TCERG1L: variants seen among roughly 807,000 people sequenced by gnomAD.
The protein encoded by TCERG1L is transcription elongation regulator 1 like.
A neutral mutation model predicts 56.3 loss-of-function variants in TCERG1L; 37 were observed. The ratio of observed to expected loss-of-function variants is 0.66; its 90% CI spans 0.51 to 0.87. The LOEUF (loss-of-function observed/expected upper bound fraction) is 0.87, where lower values mean the gene tolerates loss of function less well. TCERG1L is among the 40% of genes least tolerant of loss of function. The pLI is 0.00. For missense variants in TCERG1L, 799 were observed against 774.2 expected, an observed-to-expected ratio of 1.03 and a Z score of -0.38; for synonymous variants, 324 against 326.3, an observed-to-expected ratio of 0.99 and a Z score of 0.08.
Position 131,308,279 on chromosome 10 carries a change from GA to G in TCERG1L, c.601del (p.Ser201LeufsTer17). The part of the protein sequence containing the change: ...PRLLANQVAV[S>X]LSRPAPASRP... ...GGAGGCAGGAGCCGGCCTGGACAGA[GA>G]CACAGCTACTTGATTTGCCAGCAAA... On this transcript the variant is annotated frameshift_variant, in exon 3 of 12. Coordinates refer to ENST00000368642, the MANE Select transcript of TCERG1L (RefSeq NM_174937.4). LOFTEE classifies it high-confidence loss of function. The G allele has an allele frequency of 6.2e-7, 1 of 1,614,004 alleles. No individual in the cohort carries two copies. The highest frequency in any genetic ancestry group is 8.5e-7 in the Non-Finnish European group (1 of 1,179,892).
intron 9 of TCERG1L, among the ~76,000 whole-genome samples, chr10:131,107,956 T>TACACACACAC (rs59364659): frequency 0.014 from 2,039 of 146,820 alleles, 23 homozygotes; most frequent in Non-Finnish European, 0.017. Flanking sequence ...CATGTGTGCC[T>TACACACACAC]ACACACACAC....
intron 8 of TCERG1L, among the ~76,000 whole-genome samples, chr10:131,126,555 C>T (rs552152238): frequency 3.6e-4 from 54 of 151,726 alleles, no homozygotes; most frequent in Middle Eastern, 6.8e-3. Context: ...TGCTGCTAGG[C>T]GGCAGCTCTG....
chr10:131,146,236 T>G (rs946257856), intron 7 of TCERG1L, among the ~76,000 whole-genome samples: 1 of 152,126 alleles, frequency 6.6e-6, no homozygotes, highest in Non-Finnish European at 1.5e-5. Flanking sequence ...GGATGGAAGC[T>G]TTGAGGGGCG....
chr10:131,162,957 G>C (rs1733573935), intron 6 of TCERG1L, 165 bp downstream of exon 6: 1 of 538,766 alleles, frequency 1.9e-6, no homozygotes, highest in African/African-American at 1.9e-5. Flanking sequence ...TCTTTCTGCA[G>C]AATGTGACCA....
At position 131,163,121 on chromosome 10, in the gene TCERG1L, C is replaced by T. The variant is rs774458961; in HGVS notation, c.1034+1G>A. 1 of 1,569,610 alleles carries T rather than the reference C, an allele frequency of 6.4e-7. No individual in the cohort carries two copies. Among genetic ancestry groups the T allele is most frequent in the Non-Finnish European group, 8.6e-7 (1 of 1,158,296 alleles). ...GGCTCTCAGGCTTTGGGGTGTCTTA[C>T]CAGGGGGATCCGGGCACCGGGGTGG... On this transcript the variant is annotated splice_donor_variant, in intron 6 of 11. Coordinates refer to ENST00000368642, the MANE Select transcript of TCERG1L (RefSeq NM_174937.4). LOFTEE classifies it high-confidence loss of function.
At chr10:131,116,964 A>G in intron 8 of TCERG1L, 30 bp from the exon 9 acceptor site, 1 of 1,594,724 alleles carries the variant, frequency 6.3e-7, no homozygotes, top group African/African-American at 1.3e-5. Context: ...AGAGTTAGAC[A>G]CACTCGTGGG....
At chr10:131,212,149 G>A (rs1845626860) in intron 4 of TCERG1L, among the ~76,000 whole-genome samples, 1 of 152,208 alleles carries the variant, frequency 6.6e-6, no homozygotes, top group African/African-American at 2.4e-5. Flanking sequence ...CAAAAGTGCA[G>A]GCTAAGGTTG....
intron 4 of TCERG1L, among the ~76,000 whole-genome samples, chr10:131,240,933 C>A (rs931238988): frequency 1.3e-5 from 2 of 152,230 alleles, no homozygotes; most frequent in African/African-American, 4.8e-5. Flanking sequence ...TTGGCTCAAT[C>A]CCAAGAGACT....
intron 4 of TCERG1L, among the ~76,000 whole-genome samples, chr10:131,212,077 C>T (rs1006611684): frequency 4.6e-5 from 7 of 152,190 alleles, no homozygotes; most frequent in Admixed American, 2.0e-4. Context: ...TTATCCTCAT[C>T]TCCCACATGT....
At chr10:131,219,023 C>G (rs1052851229) in intron 4 of TCERG1L, among the ~76,000 whole-genome samples, 2 of 152,168 alleles carry the variant, frequency 1.3e-5, no homozygotes, top group African/African-American at 4.8e-5. Flanking sequence ...GTCACCAGCT[C>G]CTTGCCCAGC....
chr10:131,227,480 C>CTCCCCGCT (rs1419752924), intron 4 of TCERG1L, among the ~76,000 whole-genome samples: 3 of 152,322 alleles, frequency 2.0e-5, no homozygotes, highest in African/African-American at 7.2e-5. Context: ...GAGCCACCGC[C>CTCCCCGCT]TCCCCGCTTC....
intron 4 of TCERG1L, among the ~76,000 whole-genome samples, chr10:131,198,544 A>G (rs1267733841): frequency 6.6e-6 from 1 of 152,236 alleles, no homozygotes; most frequent in Non-Finnish European, 1.5e-5. Context: ...GGAGGCTGGG[A>G]AGCCAGGGCA....
intron 4 of TCERG1L, among the ~76,000 whole-genome samples, chr10:131,203,324 A>AG (rs1264780323): frequency 6.6e-5 from 10 of 151,850 alleles, no homozygotes; most frequent in African/African-American, 1.2e-4. Flanking sequence ...CAAAAAAAAA[A>AG]AGACTTCCAG....
At position 131,181,147 on chromosome 10, in the gene TCERG1L, C is replaced by T. The variant is rs555019740; in HGVS notation, c.857-14262G>A. Among the ~76,000 whole-genome samples, 398 of 152,374 alleles carry T rather than the reference C, an allele frequency of 2.6e-3. 1 individual carries two copies. Among genetic ancestry groups the T allele is most frequent in the Middle Eastern group, 0.014 (4 of 294 alleles). ...GATCTACGTGGTTGAATCACAGCCT[C>T]CAGTTCTCCAGCCAGAGCTGGGACC... On this transcript the variant is annotated intron_variant, in intron 4 of 11. Coordinates refer to ENST00000368642, the MANE Select transcript of TCERG1L (RefSeq NM_174937.4).
At chr10:131,262,163 C>G (rs945970732) in intron 3 of TCERG1L, among the ~76,000 whole-genome samples, 1 of 152,140 alleles carries the variant, frequency 6.6e-6, no homozygotes, top group African/African-American at 2.4e-5. Context: ...CAGGAGGGAG[C>G]GGAGCCTGCG....
chr10:131,309,294 C>G lies in TCERG1L; in HGVS notation c.348G>C (p.Leu116=), dbSNP rs200103264. 1.9e-6 allele frequency: 3 copies of G among 1,592,264 alleles called. No individual in the cohort carries two copies. The African/African-American group carries it at 4.1e-5, about 22-fold the overall frequency. The change falls in exon 2 of 12, where the codon CTG becomes CTC. Residue 116 remains leucine, a synonymous_variant. Coordinates refer to ENST00000368642, the MANE Select transcript of TCERG1L (RefSeq NM_174937.4). ...HPFPALHGQW[L]FGGHSPSLGL... is the part of the protein sequence containing the mutation. Reference sequence around the variant, plus strand: ...CTAGGGACGGAGAATGGCCACCAAACAGCCACTGCAAGCCAAGCAAGAAAA... The same window carrying G: ...CTAGGGACGGAGAATGGCCACCAAAGAGCCACTGCAAGCCAAGCAAGAAAA...
rs144047839 is a variant in TCERG1L, at chr10:131,227,803, T to TTCTC, written c.856+32455_856+32456insGAGA. 9.3e-3 allele frequency among the ~76,000 whole-genome samples: 1,411 copies of TTCTC among 152,096 alleles called. 30 individuals carry two copies. Among genetic ancestry groups the TTCTC allele is most frequent in the East Asian group, 0.076 (391 of 5,136 alleles). ...CAATATTGATCACTTATGAATAGTG[T>TTCTC]TCTTTCTCATTTTTTAAACAGGAAA... On this transcript the variant is annotated intron_variant, in intron 4 of 11. Coordinates refer to ENST00000368642, the MANE Select transcript of TCERG1L (RefSeq NM_174937.4).
chr10:131,230,763 G>A (rs1039840670), intron 4 of TCERG1L, among the ~76,000 whole-genome samples: 1 of 152,318 alleles, frequency 6.6e-6, no homozygotes, highest in Non-Finnish European at 1.5e-5. Context: ...CAGACAGCCT[G>A]GGAGAGTCTC....
At chr10:131,152,575 G>T (rs1845877451) in intron 6 of TCERG1L, among the ~76,000 whole-genome samples, 1 of 152,136 alleles carries the variant, frequency 6.6e-6, no homozygotes, top group Non-Finnish European at 1.5e-5. Context: ...TCCACATTTT[G>T]CTATCTTTTT....
Sources: gnomAD v4.1 joint callset for allele counts (sites outside exome capture counted in the v4.1 genomes callset) on GRCh38, gnomAD v4.1.1 for gene constraint, MANE v1.5 for transcripts, NCBI Gene and HGNC (gene_info 2026-07-23, HGNC 2026-07-21) for gene names.